CNTNAP2: variants seen among roughly 807,000 people sequenced by gnomAD.
The protein encoded by CNTNAP2 is contactin associated protein 2, also known as contactin-associated protein-like 2.
A neutral mutation model predicts 155.2 loss-of-function variants in CNTNAP2; 98 were observed. That is an observed-to-expected ratio of 0.63 (90% CI 0.54 to 0.75). The LOEUF is 0.75. Ranked by LOEUF, CNTNAP2 falls within the 30% of genes least tolerant of loss-of-function variation. The pLI is 0.00. For missense variants in CNTNAP2, 1,727 were observed against 1,688.1 expected (o/e 1.02, Z -0.40); for synonymous variants, 651 against 631.2 (o/e 1.03, Z -0.47).
Position 148,121,851 on chromosome 7 carries a change from T to G in CNTNAP2, c.2554+3563T>G, listed in dbSNP as rs1417954504. Among the ~76,000 whole-genome samples, 13 of 152,222 alleles carry G rather than the reference T, an allele frequency of 8.5e-5. No individual in the cohort carries two copies. In the East Asian group the frequency reaches 1.9e-3, roughly 23 times the overall value. On this transcript the variant is annotated intron_variant, in intron 16 of 23. Coordinates refer to ENST00000361727, the MANE Select transcript of CNTNAP2 (RefSeq NM_014141.6). Reference sequence around the variant, plus strand: ...GGTAACATTTTAACCCTATACTTCATGTATTTACTATTCATATTTATTCAT... The same window carrying G: ...GGTAACATTTTAACCCTATACTTCAGGTATTTACTATTCATATTTATTCAT...
chr7:147,448,006 T>C (rs1279585634), intron 10 of CNTNAP2, among the ~76,000 whole-genome samples: 1 of 152,104 alleles, frequency 6.6e-6, no homozygotes, highest in Non-Finnish European at 1.5e-5. Flanking sequence ...TGGTTCATGA[T>C]CATGCATAGC....
At chr7:148,328,966 ACT>A (rs1797939297) in intron 21 of CNTNAP2, among the ~76,000 whole-genome samples, 1 of 104,362 alleles carries the variant, frequency 9.6e-6, no homozygotes, top group Non-Finnish European at 1.8e-5. Context: ...ACAGAGCAAG[ACT>A]CTGTCTGGAA....
At chr7:146,832,683 A>G (rs1803537370) in intron 2 of CNTNAP2, among the ~76,000 whole-genome samples, 1 of 150,292 alleles carries the variant, frequency 6.7e-6, no homozygotes, top group Non-Finnish European at 1.5e-5. Flanking sequence ...GTGTGTGTAT[A>G]TATATATATG....
chr7:147,977,794 A>C, intron 14 of CNTNAP2, 68 bp from the exon 15 acceptor site: 1 of 1,601,542 alleles, frequency 6.2e-7, no homozygotes, highest in Non-Finnish European at 8.5e-7. Context: ...CAACGTAAGC[A>C]ACTAGCAGAA....
rs545747529 is a variant in CNTNAP2, at chr7:147,831,118, G to A, written c.2099-72447G>A. On this transcript the variant is annotated intron_variant, in intron 13 of 23. Transcript: ENST00000361727. ...GCCTGGTAATATGAGAACAATAAAT[G>A]TTTGTTGGGTCCAAACATGAATTAA... Among the ~76,000 whole-genome samples the A allele has an allele frequency of 3.3e-5, 5 of 152,220 alleles. No homozygotes were observed. The South Asian group carries it at 6.2e-4, about 19-fold the overall frequency.
intron 1 of CNTNAP2, among the ~76,000 whole-genome samples, chr7:146,373,474 G>A (rs1017418810): frequency 1.3e-5 from 2 of 151,812 alleles, no homozygotes; most frequent in Non-Finnish European, 2.9e-5. Flanking sequence ...CAAAGTGAGA[G>A]AAGATTTGAT....
At chr7:147,460,986 G>A (rs144706933) in intron 10 of CNTNAP2, among the ~76,000 whole-genome samples, 4 of 152,248 alleles carry the variant, frequency 2.6e-5, no homozygotes, top group Admixed American at 6.5e-5. Context: ...AAGTTGTGTC[G>A]TGATGGTATA....
chr7:147,887,908 A>G (rs1207574707), intron 13 of CNTNAP2, among the ~76,000 whole-genome samples: 1 of 152,202 alleles, frequency 6.6e-6, no homozygotes, highest in African/African-American at 2.4e-5. Flanking sequence ...TTACAGCCTA[A>G]CTTCACAGCA....
intron 1 of CNTNAP2, among the ~76,000 whole-genome samples, chr7:146,290,960 A>G (rs1034010210): frequency 6.6e-6 from 1 of 152,182 alleles, no homozygotes; most frequent in Admixed American, 6.5e-5. Context: ...TTCCTATAAT[A>G]CCGTAATTCC....
intron 3 of CNTNAP2, among the ~76,000 whole-genome samples, chr7:147,022,264 T>G (rs188423186): frequency 1.3e-5 from 2 of 152,172 alleles, no homozygotes; most frequent in East Asian, 3.9e-4. Context: ...CTACAGTGAG[T>G]CCTAGATCAG....
intron 15 of CNTNAP2, among the ~76,000 whole-genome samples, chr7:147,985,703 A>G (rs934109850): frequency 6.6e-6 from 1 of 152,180 alleles, no homozygotes; most frequent in African/African-American, 2.4e-5. Flanking sequence ...TAAAAACAAA[A>G]TCTAATTCAC....
At chr7:146,245,974 G>GCA (rs1455698470) in intron 1 of CNTNAP2, among the ~76,000 whole-genome samples, 1 of 143,006 alleles carries the variant, frequency 7.0e-6, no homozygotes, top group Non-Finnish European at 1.5e-5. Flanking sequence ...GGTTGATAAG[G>GCA]CATAGATCCT....
intron 1 of CNTNAP2, among the ~76,000 whole-genome samples, chr7:146,275,299 A>T (rs1161330181): frequency 6.6e-6 from 1 of 152,186 alleles, no homozygotes; most frequent in Non-Finnish European, 1.5e-5. Flanking sequence ...TAAAAATGTT[A>T]AAAAATAGTA....
At chr7:146,880,005 C>T (rs2129209083) in intron 3 of CNTNAP2, among the ~76,000 whole-genome samples, 1 of 152,144 alleles carries the variant, frequency 6.6e-6, no homozygotes, top group Admixed American at 6.6e-5. Context: ...TCTCGTAAGA[C>T]TTATTCACTA....
chr7:147,954,682 A>G (rs1800990499), intron 14 of CNTNAP2, among the ~76,000 whole-genome samples: 1 of 152,152 alleles, frequency 6.6e-6, no homozygotes, highest in Non-Finnish European at 1.5e-5. Context: ...TTAGATGACA[A>G]TTTTATTTTA....
intron 21 of CNTNAP2, among the ~76,000 whole-genome samples, chr7:148,353,140 C>G (rs1046361462): frequency 6.6e-6 from 1 of 152,210 alleles, no homozygotes; most frequent in South Asian, 2.1e-4. Flanking sequence ...GGTCAACAGG[C>G]GGGGCCCCGG....
At chr7:146,739,220 A>G (rs1801669435) in intron 1 of CNTNAP2, among the ~76,000 whole-genome samples, 1 of 151,824 alleles carries the variant, frequency 6.6e-6, no homozygotes, top group African/African-American at 2.4e-5. Flanking sequence ...TTGAGGTGCA[A>G]TGTTAGGTCA....
intron 13 of CNTNAP2, among the ~76,000 whole-genome samples, chr7:147,801,416 G>T (rs1797983473): frequency 6.6e-6 from 1 of 151,454 alleles, no homozygotes. Context: ...GGGAAGGTCG[G>T]CAGATAAACA....
intron 1 of CNTNAP2, among the ~76,000 whole-genome samples, chr7:146,225,541 C>T (rs1584811582): frequency 6.6e-6 from 1 of 152,154 alleles, no homozygotes; most frequent in East Asian, 1.9e-4. Flanking sequence ...CCCGCAGAAA[C>T]TGTGTATCTA....
Sources: allele counts gnomAD v4.1 joint callset (sites outside exome capture counted in the v4.1 genomes callset), GRCh38; gene constraint gnomAD v4.1.1; transcripts MANE v1.5; gene names NCBI Gene and HGNC (gene_info 2026-07-23, HGNC 2026-07-21).